Variants in SDK1 observed in about 807,000 individuals in gnomAD.
The protein encoded by SDK1 is protein sidekick-1.
Under a neutral mutation model 245.5 loss-of-function variants are expected in SDK1, and 157 were observed. The observed-to-expected ratio is 0.64, with a 90% CI of 0.56 to 0.73. The LOEUF is 0.73. Among genes scored for constraint, SDK1 ranks in the 30% least tolerant of loss-of-function variants. The pLI, the probability that SDK1 is intolerant of heterozygous loss-of-function variation, is 0.00. For missense variants in SDK1, 3,583 were observed against 3,002.3 expected (o/e 1.19, Z -4.52); for synonymous variants, 1,647 against 1,278.5 (o/e 1.29, Z -6.15).
intron 5 of SDK1, among the ~76,000 whole-genome samples, chr7:3,832,527 C>T (rs1364277252): frequency 6.6e-6 from 1 of 152,140 alleles, no homozygotes; most frequent in East Asian, 1.9e-4. Flanking sequence ...ATCAAGCCCA[C>T]AGAAAATCAG....
chr7:4,171,123 C>T (rs1274795943), intron 32 of SDK1, among the ~76,000 whole-genome samples: 3 of 152,098 alleles, frequency 2.0e-5, no homozygotes, highest in Non-Finnish European at 2.9e-5. Context: ...CTCCTTGAGC[C>T]GGTGAAGGGG....
intron 4 of SDK1, among the ~76,000 whole-genome samples, chr7:3,677,367 A>G (rs184025083): frequency 6.6e-6 from 1 of 152,336 alleles, no homozygotes; most frequent in Non-Finnish European, 1.5e-5. Flanking sequence ...TTTATAAAGG[A>G]AAGAGTTTTA....
intron 1 of SDK1, among the ~76,000 whole-genome samples, chr7:3,448,182 T>G (rs1780404595): frequency 6.6e-6 from 1 of 152,202 alleles, no homozygotes; most frequent in African/African-American, 2.4e-5. Context: ...TTAACAGCAC[T>G]AGGTGTTATC....
At chr7:3,428,387 A>C (rs1779735953) in intron 1 of SDK1, among the ~76,000 whole-genome samples, 1 of 152,248 alleles carries the variant, frequency 6.6e-6, no homozygotes. Context: ...AAGGACTGCG[A>C]GTATGTTATA....
chr7:4,209,083 CAG>C (rs1168407949), intron 37 of SDK1, among the ~76,000 whole-genome samples: 4 of 152,224 alleles, frequency 2.6e-5, no homozygotes, highest in African/African-American at 9.6e-5. Context: ...CTCCGGGAAT[CAG>C]GGCCCCTTGG....
At chr7:3,960,668 C>G (rs1781604334) in intron 8 of SDK1, among the ~76,000 whole-genome samples, 1 of 152,134 alleles carries the variant, frequency 6.6e-6, no homozygotes, top group African/African-American at 2.4e-5. Flanking sequence ...AGCTCCTGAC[C>G]AGCTCACAGC....
intron 1 of SDK1, among the ~76,000 whole-genome samples, chr7:3,331,320 A>G (rs1780063969): frequency 1.3e-5 from 2 of 152,096 alleles, no homozygotes; most frequent in South Asian, 2.1e-4. Context: ...ACAGCAACAG[A>G]ATATAGACAA....
Position 3,791,080 on chromosome 7 carries a change from G to T in SDK1, c.714-30370G>T, listed in dbSNP as rs10236726. ...CAGCAGTGCCTAGTTCCTGGGGAGTGACAAAAATTATTTAATACTCTTAAA... is the reference window on the plus strand; with the variant it reads ...CAGCAGTGCCTAGTTCCTGGGGAGTTACAAAAATTATTTAATACTCTTAAA... On this transcript the variant is annotated intron_variant, in intron 4 of 44. Coordinates refer to ENST00000404826, the MANE Select transcript of SDK1 (RefSeq NM_152744.4). Among the ~76,000 whole-genome samples the T allele has an allele frequency of 5.6e-3, 850 of 151,750 alleles. 9 individuals carry two copies. Among genetic ancestry groups the T allele is most frequent in the African/African-American group, 0.02 (817 of 41,390 alleles).
chr7:3,541,226 T>C (rs183241936), intron 1 of SDK1, among the ~76,000 whole-genome samples: 4 of 152,204 alleles, frequency 2.6e-5, no homozygotes, highest in African/African-American at 9.6e-5. Context: ...TTGTCGAGAG[T>C]TTATAAGTCA....
chr7:3,850,174 G>A (rs114750655), intron 5 of SDK1, among the ~76,000 whole-genome samples: 1 of 152,152 alleles, frequency 6.6e-6, no homozygotes, highest in Non-Finnish European at 1.5e-5. Context: ...ACCCCCCTTC[G>A]AGTCTGGCCC....
At chr7:3,693,535 G>T (rs529770324) in intron 4 of SDK1, among the ~76,000 whole-genome samples, 2 of 152,134 alleles carry the variant, frequency 1.3e-5, no homozygotes, top group South Asian at 2.1e-4. Flanking sequence ...GCTTTTCTTT[G>T]TATCTTCCTG....
rs374102157 is a variant in SDK1 at position 3,723,229 on chromosome 7, A to G, written c.713+81124A>G. On this transcript the variant is annotated intron_variant, in intron 4 of 44. Coordinates refer to ENST00000404826, the MANE Select transcript of SDK1 (RefSeq NM_152744.4). ...TTAAGAGTTCAAAATGAGACAGTAA[A>G]TAAGTTAGACCAAGTAAGTAAGCTG... 2.8e-4 allele frequency among the ~76,000 whole-genome samples: 42 copies of G among 152,358 alleles called. No homozygotes were observed. The East Asian group carries it at 4.8e-3, about 17-fold the overall frequency.
chr7:3,586,527 C>G (rs924477533), intron 1 of SDK1, among the ~76,000 whole-genome samples: 2 of 149,852 alleles, frequency 1.3e-5, no homozygotes, highest in Admixed American at 6.7e-5. Context: ...GAAACCCTGT[C>G]TCTACAAAAA....
At chr7:3,843,323 A>G (rs1180711983) in intron 5 of SDK1, among the ~76,000 whole-genome samples, 1 of 152,250 alleles carries the variant, frequency 6.6e-6, no homozygotes, top group Admixed American at 6.5e-5. Context: ...TTTGAAGCCA[A>G]GTTGAATCTC....
intron 28 of SDK1, among the ~76,000 whole-genome samples, chr7:4,138,253 AG>A (rs1354974520): frequency 6.6e-6 from 1 of 152,026 alleles, no homozygotes; most frequent in Non-Finnish European, 1.5e-5. Flanking sequence ...AGGGGAGGGG[AG>A]GGCGACCCCA....
At chr7:4,152,506 C>T (rs1780453585) in intron 30 of SDK1, among the ~76,000 whole-genome samples, 7 of 152,208 alleles carry the variant, frequency 4.6e-5, no homozygotes, top group Admixed American at 4.6e-4. Flanking sequence ...GCCACTATTC[C>T]TGAAGGCTTC....
chr7:3,349,668 C>T (rs1303493423), intron 1 of SDK1, among the ~76,000 whole-genome samples: 5 of 151,936 alleles, frequency 3.3e-5, no homozygotes, highest in Admixed American at 1.3e-4. Context: ...GGTAAGATCT[C>T]GGCTCACTGC....
At chr7:3,463,474 G>T (rs1780895867) in intron 1 of SDK1, among the ~76,000 whole-genome samples, 1 of 152,036 alleles carries the variant, frequency 6.6e-6, no homozygotes, top group Non-Finnish European at 1.5e-5. Flanking sequence ...TAAAAGCCTT[G>T]CTTCCTCACC....
chr7:3,718,794 G>GA (rs907976465), intron 4 of SDK1, among the ~76,000 whole-genome samples: 18 of 149,792 alleles, frequency 1.2e-4, no homozygotes, highest in Middle Eastern at 3.4e-3. Flanking sequence ...AATAAGGTAG[G>GA]AAAAAAAAAG....
Sources: gnomAD v4.1 joint callset for allele counts (sites outside exome capture counted in the v4.1 genomes callset) on GRCh38, gnomAD v4.1.1 for gene constraint, MANE v1.5 for transcripts, NCBI Gene and HGNC (gene_info 2026-07-23, HGNC 2026-07-21) for gene names.